The following CFAP54 variants were observed in gnomAD, a reference collection of about 807,000 sequenced individuals.
CFAP54 encodes the protein cilia and flagella associated protein 54.
CFAP54 carries 290 observed loss-of-function variants against 370.4 expected under a neutral mutation model. The observed-to-expected ratio is 0.78, with a 90% CI of 0.71 to 0.86. The LOEUF (loss-of-function observed/expected upper bound fraction) is 0.86, where lower values mean the gene tolerates loss of function less well. Among genes scored for constraint, CFAP54 ranks in the 40% least tolerant of loss-of-function variants. CFAP54 has a pLI of 0.00. For missense variants in CFAP54, 3,399 were observed against 3,528.7 expected (o/e 0.96, Z 0.93); for synonymous variants, 1,206 against 1,236.5 (o/e 0.98, Z 0.52).
rs187961272 is a variant in CFAP54 at position 96,740,270 on chromosome 12, C to T, written c.7071+209C>T. Among the ~76,000 whole-genome samples, 41 of 152,306 alleles carry T rather than the reference C, an allele frequency of 2.7e-4. No individual in the cohort carries two copies. In the East Asian group the frequency reaches 6.2e-3, roughly 23 times the overall value. On this transcript the variant is annotated intron_variant, in intron 51 of 67. Transcript: ENST00000524981. ...TTAATTAAAAAAAAATTGGTTATCT[C>T]ATTTGTGAACTAATGGAATTGGGAT...
chr12:96,818,505 G>A (rs1289425669), intron 65 of CFAP54, among the ~76,000 whole-genome samples: 1 of 152,152 alleles, frequency 6.6e-6, no homozygotes, highest in African/African-American at 2.4e-5. Context: ...AGACCAAAAT[G>A]TCAGCATCAT....
At chr12:96,728,179 ATCTTT>A (rs1957866831) in intron 50 of CFAP54, among the ~76,000 whole-genome samples, 2 of 151,964 alleles carry the variant, frequency 1.3e-5, no homozygotes. Flanking sequence ...CTCGAGGAGT[ATCTTT>A]GTGGCATTCT....
chr12:96,561,802 T>C (rs1415166731), intron 17 of CFAP54, among the ~76,000 whole-genome samples: 17 of 118,574 alleles, frequency 1.4e-4, no homozygotes, highest in African/African-American at 5.6e-4. Context: ...TGAGATGGAG[T>C]CTTACTCTGT....
At chr12:96,755,338 AT>A (rs1030152706) in intron 56 of CFAP54, among the ~76,000 whole-genome samples, 1 of 152,210 alleles carries the variant, frequency 6.6e-6, no homozygotes, top group South Asian at 2.1e-4. Flanking sequence ...CATACTTATC[AT>A]TTTTTTGTGG....
intron 33 of CFAP54, chr12:96,645,972 T>C (rs1193276014): frequency 6.6e-6 from 1 of 152,150 alleles, no homozygotes; most frequent in Non-Finnish European, 1.5e-5. Context: ...AAGACTTAAA[T>C]TTTAGACCTA....
chr12:96,596,180 A>G (rs932573911), intron 25 of CFAP54, among the ~76,000 whole-genome samples: 11 of 152,182 alleles, frequency 7.2e-5, no homozygotes, highest in African/African-American at 2.7e-4. Context: ...ATATCAATGC[A>G]TACCTTTTAA....
chr12:96,873,692 A>T (rs938404177), intron 67 of CFAP54, among the ~76,000 whole-genome samples: 4 of 152,222 alleles, frequency 2.6e-5, no homozygotes, highest in Admixed American at 1.3e-4. Context: ...TTACAGTGCA[A>T]AAGCAGCCAT....
intron 66 of CFAP54, among the ~76,000 whole-genome samples, chr12:96,860,134 AT>A (rs137937553): frequency 0.016 from 2,073 of 127,886 alleles, 17 homozygotes; most frequent in Middle Eastern, 0.034. Context: ...TTGTTCTCTA[AT>A]TTTTTTTTTT....
chr12:96,601,745 G>T (rs982113780), intron 26 of CFAP54, among the ~76,000 whole-genome samples: 6 of 152,208 alleles, frequency 3.9e-5, no homozygotes, highest in Non-Finnish European at 7.3e-5. Flanking sequence ...TATTTGCATA[G>T]AGGTGTTTAT....
chr12:96,728,189 C>T (rs879209796), intron 50 of CFAP54, among the ~76,000 whole-genome samples: 1 of 151,874 alleles, frequency 6.6e-6, no homozygotes, highest in Non-Finnish European at 1.5e-5. Context: ...ATCTTTGTGG[C>T]ATTCTCTGTA....
At chr12:96,835,583 T>C (rs1037898358) in intron 66 of CFAP54, among the ~76,000 whole-genome samples, 14 of 152,170 alleles carry the variant, frequency 9.2e-5, no homozygotes, top group Middle Eastern at 3.2e-3. Flanking sequence ...GCTCTGTGAT[T>C]GGAGCAGGTG....
chr12:96,556,365 AGG>A (rs2136402754), intron 17 of CFAP54, among the ~76,000 whole-genome samples: 1 of 152,086 alleles, frequency 6.6e-6, no homozygotes, highest in Non-Finnish European at 1.5e-5. Context: ...CACCACACCT[AGG>A]AGAAATATTT....
At chr12:96,561,334 G>A (rs1325528918) in intron 17 of CFAP54, among the ~76,000 whole-genome samples, 2 of 152,178 alleles carry the variant, frequency 1.3e-5, no homozygotes, top group African/African-American at 4.8e-5. Context: ...CCATCCATGT[G>A]AGATGTGACT....
At chr12:96,729,884 G>C (rs1957899166) in intron 50 of CFAP54, among the ~76,000 whole-genome samples, 1 of 152,174 alleles carries the variant, frequency 6.6e-6, no homozygotes. Flanking sequence ...AGTAGAGAAA[G>C]AGGGTGACTG....
At chr12:96,699,822 T>C (rs778052479) in intron 45 of CFAP54, 149 bp from the exon 46 acceptor site, 1 of 605,390 alleles carries the variant, frequency 1.7e-6, no homozygotes, top group Non-Finnish European at 2.8e-6. Context: ...CTCTCTCCAC[T>C]GTGTCTAGTA....
chr12:96,757,275 A>G (rs990705428), intron 57 of CFAP54, among the ~76,000 whole-genome samples: 1 of 152,192 alleles, frequency 6.6e-6, no homozygotes, highest in Non-Finnish European at 1.5e-5. Context: ...ACCACAGGAA[A>G]AGGCAGAGTG....
chr12:96,620,019 T>A (rs1324676033), intron 26 of CFAP54, among the ~76,000 whole-genome samples: 1 of 152,142 alleles, frequency 6.6e-6, no homozygotes, highest in African/African-American at 2.4e-5. Flanking sequence ...AATAAAAATT[T>A]TTAAAAAAAC....
In CFAP54 at chr12:96,556,538, C is replaced by G. The variant is rs566114221; in HGVS notation, c.2410+1736C>G. Among the ~76,000 whole-genome samples the G allele has an allele frequency of 3.4e-4, 51 of 152,148 alleles. No individual in the cohort carries two copies. In the South Asian group the frequency reaches 8.9e-3, roughly 27 times the overall value. ...GAAACAACACAAATATGTTATCTTA[C>G]AGTTCTGGAGTCAGAAACCTGAACT... On this transcript the variant is annotated intron_variant, in intron 17 of 67. Coordinates refer to ENST00000524981, the MANE Select transcript of CFAP54 (RefSeq NM_001306084.2).
chr12:96,825,161 A>C lies in CFAP54; in HGVS notation c.9097-3853A>C, dbSNP rs140660914. On this transcript the variant is annotated intron_variant, in intron 65 of 67. Transcript: ENST00000524981. ...GAAGTCTTCCATGTTTCTACTACTA[A>C]GAATTATTCTCTCCCACATCTAGGA... 3.3e-3 allele frequency among the ~76,000 whole-genome samples: 491 copies of C among 146,706 alleles called. 2 individuals carry two copies. Among genetic ancestry groups the C allele is most frequent in the African/African-American group, 0.012 (465 of 39,690 alleles).
Sources: gnomAD v4.1 joint callset for allele counts (sites outside exome capture counted in the v4.1 genomes callset) on GRCh38, gnomAD v4.1.1 for gene constraint, MANE v1.5 for transcripts, NCBI Gene and HGNC (gene_info 2026-07-23, HGNC 2026-07-21) for gene names.